The following CNTNAP2 variants were observed in gnomAD, a reference collection of about 807,000 sequenced individuals.
CNTNAP2 encodes contactin associated protein 2, also known as contactin-associated protein-like 2.
A neutral mutation model predicts 155.2 loss-of-function variants in CNTNAP2; 98 were observed. The observed-to-expected ratio is 0.63, with a 90% confidence interval of 0.54 to 0.75. The LOEUF (loss-of-function observed/expected upper bound fraction) is 0.75, where lower values mean the gene tolerates loss of function less well. Ranked by LOEUF, CNTNAP2 falls within the 30% of genes least tolerant of loss-of-function variation. The pLI is 0.00. For missense variants in CNTNAP2, 1,727 were observed against 1,688.1 expected, an observed-to-expected ratio of 1.02 and a Z score of -0.40; for synonymous variants, 651 against 631.2, an observed-to-expected ratio of 1.03 and a Z score of -0.47.
intron 2 of CNTNAP2, among the ~76,000 whole-genome samples, chr7:146,827,211 A>G: frequency 6.6e-6 from 1 of 152,042 alleles, no homozygotes; most frequent in Non-Finnish European, 1.5e-5. Flanking sequence ...GAACCATGCT[A>G]GGCAGTGGTT....
chr7:147,457,415 G>A (rs1285744660), intron 10 of CNTNAP2, among the ~76,000 whole-genome samples: 4 of 152,096 alleles, frequency 2.6e-5, no homozygotes, highest in Admixed American at 2.6e-4. Flanking sequence ...TGATCACTTG[G>A]TCAAATGCCA....
chr7:147,768,722 T>C lies in CNTNAP2; in HGVS notation c.2098+129416T>C, dbSNP rs971913063. 2.6e-5 allele frequency among the ~76,000 whole-genome samples: 4 copies of C among 152,198 alleles called. No homozygotes were observed. The East Asian group carries it at 7.7e-4, about 29-fold the overall frequency. ...GAGGCTTCAGGCAATTCATCTTTAA[T>C]GGCATTAATGATACCTTTTGAAGGT... On this transcript the variant is annotated intron_variant, in intron 13 of 23. Coordinates refer to ENST00000361727, the MANE Select transcript of CNTNAP2 (RefSeq NM_014141.6).
At chr7:146,744,176 A>G (rs929492432) in intron 1 of CNTNAP2, among the ~76,000 whole-genome samples, 1 of 147,650 alleles carries the variant, frequency 6.8e-6, no homozygotes, top group African/African-American at 2.5e-5. Context: ...TGCAGTGAAC[A>G]GAGATCGCAC....
chr7:147,376,616 G>A lies in CNTNAP2; in HGVS notation c.1499-18993G>A, dbSNP rs117456174. 6.4e-3 allele frequency among the ~76,000 whole-genome samples: 978 copies of A among 151,910 alleles called. 5 individuals are homozygous for A. Among genetic ancestry groups the A allele is most frequent in the Non-Finnish European group, 0.011 (734 of 67,912 alleles). ...ACCTCATTTTTCTCAGTATCAGTGA[G>A]TTCTCTGTGCTTCAGAGTGTTATTC... On this transcript the variant is annotated intron_variant, in intron 9 of 23. Coordinates refer to ENST00000361727, the MANE Select transcript of CNTNAP2 (RefSeq NM_014141.6).
At chr7:147,532,121 T>C (rs569271922) in intron 11 of CNTNAP2, among the ~76,000 whole-genome samples, 2 of 152,318 alleles carry the variant, frequency 1.3e-5, no homozygotes, top group South Asian at 4.1e-4. Context: ...TTTTCTTTTC[T>C]ATCACATAGT....
At chr7:148,400,671 A>G (rs1016933808) in intron 22 of CNTNAP2, among the ~76,000 whole-genome samples, 4 of 152,358 alleles carry the variant, frequency 2.6e-5, no homozygotes, top group Admixed American at 6.5e-5. Flanking sequence ...AATACCTAAT[A>G]CAACATAAAT....
intron 12 of CNTNAP2, among the ~76,000 whole-genome samples, chr7:147,590,649 C>T (rs753955815): frequency 4.6e-5 from 7 of 152,192 alleles, no homozygotes; most frequent in African/African-American, 1.7e-4. Flanking sequence ...CCGTGAACAA[C>T]TTATAACTTT....
At chr7:147,682,265 T>G (rs1044931101) in intron 13 of CNTNAP2, among the ~76,000 whole-genome samples, 1 of 151,882 alleles carries the variant, frequency 6.6e-6, no homozygotes, top group Non-Finnish European at 1.5e-5. Flanking sequence ...CATTTAAGAT[T>G]AATAAACTGC....
At chr7:146,458,685 C>T (rs1367543466) in intron 1 of CNTNAP2, among the ~76,000 whole-genome samples, 1 of 152,108 alleles carries the variant, frequency 6.6e-6, no homozygotes, top group Admixed American at 6.5e-5. Context: ...CTGGGTGTTT[C>T]TGTGAGTGGT....
At chr7:147,155,600 C>A (rs569482088) in intron 8 of CNTNAP2, among the ~76,000 whole-genome samples, 1 of 152,000 alleles carries the variant, frequency 6.6e-6, no homozygotes, top group African/African-American at 2.4e-5. Context: ...AAATGGAAGA[C>A]GAGCCATTGG....
chr7:146,271,769 A>G (rs1013061007), intron 1 of CNTNAP2, among the ~76,000 whole-genome samples: 1 of 152,048 alleles, frequency 6.6e-6, no homozygotes, highest in African/African-American at 2.4e-5. Context: ...TTGTTTCTTG[A>G]TATTTTCTTA....
intron 3 of CNTNAP2, among the ~76,000 whole-genome samples, chr7:146,983,039 A>G (rs918254158): frequency 6.6e-6 from 1 of 152,216 alleles, no homozygotes; most frequent in Non-Finnish European, 1.5e-5. Context: ...CACTGTTAAC[A>G]TAATGTACAC....
chr7:147,848,655 T>C (rs1272174172), intron 13 of CNTNAP2, among the ~76,000 whole-genome samples: 2 of 152,034 alleles, frequency 1.3e-5, no homozygotes, highest in Non-Finnish European at 2.9e-5. Flanking sequence ...CTTTTTCTGC[T>C]AAGAATTTGG....
chr7:146,328,209 C>T (rs530851339), intron 1 of CNTNAP2, among the ~76,000 whole-genome samples: 10 of 152,212 alleles, frequency 6.6e-5, no homozygotes, highest in African/African-American at 1.9e-4. Context: ...ATCTAGGTTG[C>T]GCACTCCTTA....
intron 1 of CNTNAP2, among the ~76,000 whole-genome samples, chr7:146,773,729 G>C (rs545834941): frequency 6.6e-6 from 1 of 152,162 alleles, no homozygotes; most frequent in Non-Finnish European, 1.5e-5. Context: ...TGTAACATGA[G>C]ATCTGCCTTG....
intron 1 of CNTNAP2, among the ~76,000 whole-genome samples, chr7:146,197,971 A>G (rs1472389357): frequency 2.0e-5 from 3 of 152,138 alleles, no homozygotes; most frequent in African/African-American, 7.2e-5. Context: ...GGCATGTCTT[A>G]CATGGCAGCA....
intron 1 of CNTNAP2, among the ~76,000 whole-genome samples, chr7:146,426,881 A>G (rs1796101229): frequency 1.7e-5 from 1 of 60,142 alleles, no homozygotes; most frequent in Non-Finnish European, 3.0e-5. Flanking sequence ...AACAAACAAT[A>G]ATAAGTATGT....
intron 4 of CNTNAP2, among the ~76,000 whole-genome samples, chr7:147,057,782 A>T (rs934603174): frequency 1.3e-5 from 2 of 152,214 alleles, no homozygotes; most frequent in East Asian, 3.9e-4. Flanking sequence ...GACACATTGT[A>T]AGAATTGACT....
At chr7:147,418,650 G>T (rs1160833693) in intron 10 of CNTNAP2, among the ~76,000 whole-genome samples, 1 of 152,212 alleles carries the variant, frequency 6.6e-6, no homozygotes, top group Non-Finnish European at 1.5e-5. Flanking sequence ...ATTATAGCAT[G>T]TTGCTATGGC....
Sources: allele counts gnomAD v4.1 joint callset (sites outside exome capture counted in the v4.1 genomes callset), GRCh38; gene constraint gnomAD v4.1.1; transcripts MANE v1.5; gene names NCBI Gene and HGNC (gene_info 2026-07-23, HGNC 2026-07-21).